RCC1: variants seen among roughly 807,000 people sequenced by gnomAD.
RCC1 encodes the protein regulator of chromosome condensation.
Under a neutral mutation model 44.4 loss-of-function variants are expected in RCC1, and 11 were observed. The observed-to-expected ratio is 0.25, with a 90% CI of 0.16 to 0.41. RCC1 has a LOEUF of 0.41. RCC1 is among the 10% of genes least tolerant of loss of function. RCC1 has a pLI of 1.00. For missense variants in RCC1, 386 were observed against 547.1 expected (o/e 0.71, Z 2.94); for synonymous variants, 213 against 216.5 (o/e 0.98, Z 0.14).
intron 4 of RCC1, among the ~76,000 whole-genome samples, chr1:28,525,588 G>T (rs574531862): frequency 6.6e-6 from 1 of 152,148 alleles, no homozygotes; most frequent in South Asian, 2.1e-4. Flanking sequence ...GGGACAAGGG[G>T]TCTCAAAAGA....
In RCC1 at chr1:28,536,491, G is replaced by A; in HGVS notation, c.937+110G>A. 7.2e-7 allele frequency: 1 copy of A among 1,390,024 alleles called. No individual in the cohort carries two copies. The highest frequency in any genetic ancestry group is 9.8e-7 in the Non-Finnish European group (1 of 1,022,822). 86.1% of individuals were successfully genotyped at this position (1,390,024 alleles called of 1,614,324 possible). ...GGAGCCTGGGTCTGTTCCATGGGTT[G>A]TACCATACATGGGTCCATGAGAGTC... is the stretch of plus-strand genomic sequence containing the variant. On this transcript the variant is annotated intron_variant, in intron 11 of 12. Coordinates refer to ENST00000683442, the MANE Select transcript of RCC1 (RefSeq NM_001381865.2). The surrounding 1 kb of genome is among the most constrained non-coding windows in gnomAD (Gnocchi z 4.9).
At chr1:28,508,204 C>T in intron 2 of RCC1, 44 bp downstream of exon 2, 1 of 424,946 alleles carries the variant, frequency 2.4e-6, no homozygotes, top group Non-Finnish European at 4.9e-6. Context: ...AGCTCTTTGT[C>T]AATGATTTCT....
At chr1:28,516,422 G>C (rs1319321841) in intron 3 of RCC1, among the ~76,000 whole-genome samples, 3 of 150,664 alleles carry the variant, frequency 2.0e-5, no homozygotes, top group African/African-American at 7.3e-5. Context: ...TGAGGCAGGA[G>C]AATTGCTTGA....
chr1:28,533,840 CTTTTCTTTTTTT>C (rs1664352398), intron 7 of RCC1, among the ~76,000 whole-genome samples: 1 of 32,674 alleles, frequency 3.1e-5, no homozygotes, highest in Non-Finnish European at 6.6e-5. Context: ...CTTTTCTTTT[CTTTTCTTTTTTT>C]TTTTTTTTTT....
At chr1:28,534,002 C>G (rs1254704652) in intron 7 of RCC1, among the ~76,000 whole-genome samples, 1 of 149,908 alleles carries the variant, frequency 6.7e-6, no homozygotes, top group African/African-American at 2.4e-5. Flanking sequence ...CTCAGCCTCC[C>G]GAGTAGCTGG....
At chr1:28,529,013 C>G (rs968130587) in intron 4 of RCC1, among the ~76,000 whole-genome samples, 1 of 148,520 alleles carries the variant, frequency 6.7e-6, no homozygotes, top group Non-Finnish European at 1.5e-5. Flanking sequence ...CAGTCGCACA[C>G]CACCATGCCT....
At chr1:28,508,783 T>G (rs1469944669) in intron 2 of RCC1, 47 bp from the exon 3 acceptor site, 1 of 518,714 alleles carries the variant, frequency 1.9e-6, no homozygotes, top group Non-Finnish European at 3.8e-6. Flanking sequence ...AGATTTTAAG[T>G]TGAAGTAGGA....
chr1:28,511,232 AAAT>A (rs1397097553), intron 3 of RCC1, among the ~76,000 whole-genome samples: 1 of 152,132 alleles, frequency 6.6e-6, no homozygotes, highest in Non-Finnish European at 1.5e-5. Context: ...CATGTTCACA[AAAT>A]AAGTGATAAA....
chr1:28,530,754 C>G (rs1570211289), intron 5 of RCC1: 1 of 622,744 alleles, frequency 1.6e-6, no homozygotes, highest in Non-Finnish European at 2.7e-6. Flanking sequence ...ACAGAGAGCC[C>G]CGGGCGCGCA....
At chr1:28,527,203 A>AGCC in intron 4 of RCC1, 1 of 973,918 alleles carries the variant, frequency 1.0e-6, no homozygotes, top group Non-Finnish European at 1.6e-6. Flanking sequence ...TGATGCTCAG[A>AGCC]GTAACCTTCC....
intron 2 of RCC1, 164 bp downstream of exon 2, chr1:28,508,324 T>C: frequency 2.8e-6 from 1 of 352,508 alleles, no homozygotes; most frequent in Non-Finnish European, 5.7e-6. Flanking sequence ...GCTGCATTTT[T>C]GTAGGCATGT....
chr1:28,533,876 T>C (rs1570221102), intron 7 of RCC1, among the ~76,000 whole-genome samples: 4 of 25,838 alleles, frequency 1.5e-4, no homozygotes, highest in African/African-American at 1.0e-3. Flanking sequence ...TTTTTTTTTT[T>C]TTTTTTTTTT....
At chr1:28,514,743 A>G (rs1257469754) in intron 3 of RCC1, among the ~76,000 whole-genome samples, 1 of 151,132 alleles carries the variant, frequency 6.6e-6, no homozygotes, top group Non-Finnish European at 1.5e-5. Flanking sequence ...CCTGGGCAAC[A>G]AGAGCAAAAC....
At chr1:28,529,376 G>C (rs1663949883) in intron 4 of RCC1, among the ~76,000 whole-genome samples, 1 of 151,560 alleles carries the variant, frequency 6.6e-6, no homozygotes, top group African/African-American at 2.4e-5. Context: ...TAGAGACGGG[G>C]TTTTGCCATG....
chr1:28,507,516 G>A (rs371177104), intron 1 of RCC1: 12 of 518,710 alleles, frequency 2.3e-5, no homozygotes, highest in Non-Finnish European at 4.6e-5. Flanking sequence ...TATTCCTACA[G>A]CTTCCCAGAG....
intron 4 of RCC1, among the ~76,000 whole-genome samples, chr1:28,521,688 G>A (rs1663296945): frequency 6.6e-6 from 1 of 152,092 alleles, no homozygotes; most frequent in South Asian, 2.1e-4. Flanking sequence ...ACATCTGTGG[G>A]TGGATCTGTC....
chr1:28,508,729 A>G (rs961005113), intron 2 of RCC1, 101 bp from the exon 3 acceptor site: 1 of 518,304 alleles, frequency 1.9e-6, no homozygotes, highest in Non-Finnish European at 3.8e-6. Flanking sequence ...CCTGTGGACA[A>G]TGACTGGGGA....
At chr1:28,530,175 A>C (rs991949086) in intron 5 of RCC1, among the ~76,000 whole-genome samples, 4 of 143,270 alleles carry the variant, frequency 2.8e-5, no homozygotes, top group East Asian at 2.0e-4. Flanking sequence ...AAAAAAAAAA[A>C]ACTAGACCCT....
At chr1:28,521,501 GAAAAAAAAAA>G (rs71586849) in intron 4 of RCC1, among the ~76,000 whole-genome samples, 5 of 56,814 alleles carry the variant, frequency 8.8e-5, no homozygotes, top group Non-Finnish European at 2.2e-4. Flanking sequence ...CTCCACCTCA[GAAAAAAAAAA>G]AAAAAAAAAA....
Sources: gnomAD v4.1 joint callset for allele counts (sites outside exome capture counted in the v4.1 genomes callset) on GRCh38, gnomAD v4.1.1 for gene constraint, Gnocchi (gnomAD v3.1) non-coding constraint, MANE v1.5 for transcripts, NCBI Gene and HGNC (gene_info 2026-07-23, HGNC 2026-07-21) for gene names.